NEBL: variants seen among roughly 807,000 people sequenced by gnomAD.
NEBL encodes nebulette.
NEBL carries 122 observed loss-of-function variants against 140.2 expected under a neutral mutation model. The observed-to-expected ratio is 0.87, with a 90% CI of 0.75 to 1.01. NEBL has a LOEUF of 1.01. Ranked by LOEUF, NEBL falls within the 50% of genes least tolerant of loss-of-function variation. The probability of loss-of-function intolerance (pLI) is 0.00; values close to 1 mark genes in which losing one functional copy is unlikely to be tolerated. For missense variants in NEBL, 1,365 were observed against 1,231.3 expected (o/e 1.11, Z -1.62); for synonymous variants, 436 against 398.9 (o/e 1.09, Z -1.11).
At chr10:21,185,891 T>C (rs1841461654) in intron 3 of NEBL, among the ~76,000 whole-genome samples, 1 of 152,180 alleles carries the variant, frequency 6.6e-6, no homozygotes, top group African/African-American at 2.4e-5. Flanking sequence ...ATTTGGGAAA[T>C]CCTCATGTCT....
intron 2 of NEBL, among the ~76,000 whole-genome samples, chr10:21,092,560 C>A (rs774417987): frequency 6.7e-6 from 1 of 148,328 alleles, no homozygotes; most frequent in Non-Finnish European, 1.5e-5. Flanking sequence ...TTTTAATTCA[C>A]ATGGACTTCT....
Position 21,144,023 on chromosome 10 carries a change from G to A in NEBL, c.164+28360C>T, listed in dbSNP as rs191172305. Reference sequence around the variant, plus strand: ...CTGAAAACTCCAACAAGGAGAGAAGGATTTTTGCTTCAAGTATTTTGTGAT... The same window carrying A: ...CTGAAAACTCCAACAAGGAGAGAAGAATTTTTGCTTCAAGTATTTTGTGAT... On this transcript the variant is annotated intron_variant, in intron 2 of 6. Transcript: ENST00000417816. 6.4e-3 allele frequency among the ~76,000 whole-genome samples: 980 copies of A among 152,292 alleles called. 7 individuals are homozygous for A. The highest frequency in any genetic ancestry group is 0.01 in the Non-Finnish European group (691 of 68,034).
At chr10:21,095,004 T>C (rs1837116856) in intron 2 of NEBL, among the ~76,000 whole-genome samples, 1 of 152,156 alleles carries the variant, frequency 6.6e-6, no homozygotes, top group African/African-American at 2.4e-5. Context: ...TCCATAGTAG[T>C]GTATTCAAAA....
intron 2 of NEBL, among the ~76,000 whole-genome samples, chr10:21,040,811 G>C (rs758579109): frequency 9.2e-5 from 14 of 152,172 alleles, no homozygotes; most frequent in Non-Finnish European, 1.8e-4. Flanking sequence ...TCTTGTGAGA[G>C]TGAGTGAGTT....
chr10:20,927,845 G>T (rs1222787113), intron 4 of NEBL, among the ~76,000 whole-genome samples: 1 of 152,092 alleles, frequency 6.6e-6, no homozygotes, highest in Non-Finnish European at 1.5e-5. Context: ...GGTAAGATAT[G>T]ACTTACTCCT....
chr10:21,028,251 A>AAGAAGAAGAAG (rs762264914), intron 2 of NEBL, among the ~76,000 whole-genome samples: 1 of 36,836 alleles, frequency 2.7e-5, no homozygotes, highest in Non-Finnish European at 6.8e-5. Context: ...AAAAAAAAAA[A>AAGAAGAAGAAG]AAAAAGAAGA....
At chr10:21,029,186 A>G (rs1377999711) in intron 2 of NEBL, 2 of 1,383,376 alleles carry the variant, frequency 1.4e-6, no homozygotes, top group African/African-American at 1.4e-5. Flanking sequence ...AACAATGTGT[A>G]TAGGGCGCCT....
chr10:21,268,790 G>A (rs1272471707), intron 1 of NEBL, among the ~76,000 whole-genome samples: 1 of 151,944 alleles, frequency 6.6e-6, no homozygotes, highest in Non-Finnish European at 1.5e-5. Context: ...CTCCCAAAGT[G>A]CTGGGATTAC....
intron 4 of NEBL, among the ~76,000 whole-genome samples, chr10:20,918,798 C>A (rs1711145974): frequency 6.6e-6 from 1 of 151,934 alleles, no homozygotes; most frequent in Non-Finnish European, 1.5e-5. Context: ...TTGCAGTGAG[C>A]CGAGATTGCA....
At chr10:21,109,598 G>C (rs532203744) in intron 2 of NEBL, among the ~76,000 whole-genome samples, 2 of 152,136 alleles carry the variant, frequency 1.3e-5, no homozygotes, top group South Asian at 2.1e-4. Flanking sequence ...TTGTATCTTT[G>C]GTAGAATTCG....
At chr10:20,898,352 C>G (rs1033899696), upstream of NEBL, among the ~76,000 whole-genome samples, 1 of 151,740 alleles carries the variant, frequency 6.6e-6, no homozygotes, top group Non-Finnish European at 1.5e-5. Context: ...ACTGATGATA[C>G]AAAATACAAA....
intron 2 of NEBL, among the ~76,000 whole-genome samples, chr10:21,154,428 C>T (rs975415314): frequency 1.4e-5 from 2 of 146,904 alleles, no homozygotes; most frequent in African/African-American, 5.1e-5. Context: ...CACTGCACTC[C>T]ATCCTGAGTG....
intron 3 of NEBL, among the ~76,000 whole-genome samples, chr10:21,227,416 A>C (rs1209872011): frequency 2.6e-5 from 4 of 152,236 alleles, no homozygotes; most frequent in Non-Finnish European, 4.4e-5. Flanking sequence ...CATATGGCAC[A>C]TTTCTAATTT....
At chr10:20,876,340 G>A (rs1411621993) in intron 5 of NEBL, among the ~76,000 whole-genome samples, 1 of 151,900 alleles carries the variant, frequency 6.6e-6, no homozygotes, top group Non-Finnish European at 1.5e-5. Flanking sequence ...TGTGTAGAAG[G>A]CAGAATAAGT....
intron 2 of NEBL, among the ~76,000 whole-genome samples, chr10:21,044,548 T>C (rs748169076): frequency 6.6e-6 from 1 of 151,876 alleles, no homozygotes; most frequent in Non-Finnish European, 1.5e-5. Context: ...AGCCAAGTAT[T>C]TAAATAGGAG....
At chr10:20,808,698 G>T (rs1837852135) in intron 25 of NEBL, 39 bp from the exon 26 acceptor site, 1 of 1,589,844 alleles carries the variant, frequency 6.3e-7, no homozygotes, top group Non-Finnish European at 8.6e-7. Context: ...GTGATTAAGT[G>T]ACTCGAAAAA....
rs189631750 is a variant in NEBL, at chr10:20,939,433, A to G, written c.357+22239T>C. On this transcript the variant is annotated intron_variant, in intron 4 of 6. Transcript: ENST00000417816. Reference sequence around the variant, plus strand: ...CTGCCCTAAAAGAGCTCCTGAAGGAAGCACGAAACTTGGAAAGGAACAACT... The same window carrying G: ...CTGCCCTAAAAGAGCTCCTGAAGGAGGCACGAAACTTGGAAAGGAACAACT... Among the ~76,000 whole-genome samples, 1,168 of 152,320 alleles carry G rather than the reference A, an allele frequency of 7.7e-3. 8 individuals are homozygous for G. The highest frequency in any genetic ancestry group is 0.013 in the Non-Finnish European group (890 of 68,028).
chr10:20,858,187 TG>T, intron 9 of NEBL, 52 bp downstream of exon 9: 5 of 1,389,070 alleles, frequency 3.6e-6, no homozygotes, highest in Non-Finnish European at 5.1e-6. Context: ...GCAGACATAT[TG>T]GCTTCTTGGA....
chr10:21,177,578 G>A (rs1042254492), upstream of NEBL, among the ~76,000 whole-genome samples: 94 of 151,294 alleles, frequency 6.2e-4, no homozygotes, highest in African/African-American at 2.1e-3. Context: ...CCCCCAGGCT[G>A]GAGTACAGTG....
Sources: allele counts gnomAD v4.1 joint callset (sites outside exome capture counted in the v4.1 genomes callset), GRCh38; gene constraint gnomAD v4.1.1; transcripts MANE v1.5; gene names NCBI Gene and HGNC (gene_info 2026-07-23, HGNC 2026-07-21).